The following MDN1 variants were observed in gnomAD, a reference collection of about 807,000 sequenced individuals.
MDN1 encodes the protein midasin AAA ATPase 1, also known as midasin.
MDN1 carries 266 observed loss-of-function variants against 669.2 expected under a neutral mutation model. The observed-to-expected ratio is 0.40, with a 90% CI of 0.36 to 0.44. MDN1 has a LOEUF of 0.44. Among genes scored for constraint, MDN1 ranks in the 20% least tolerant of loss-of-function variants. The pLI is 1.00. For synonymous variants in MDN1, 2,385 were observed against 2,457.1 expected (o/e 0.97, Z 0.87); for missense variants, 5,940 against 6,754.0 (o/e 0.88, Z 4.22).
chr6:89,714,384 A>C (rs1346663226), intron 46 of MDN1, among the ~76,000 whole-genome samples, 159 bp downstream of exon 46: 1 of 152,162 alleles, frequency 6.6e-6, no homozygotes, highest in Admixed American at 6.5e-5. Context: ...TGCTGAACCC[A>C]ATCTCTTGGG....
chr6:89,802,551 T>G (rs895714571), intron 2 of MDN1, among the ~76,000 whole-genome samples: 1 of 151,850 alleles, frequency 6.6e-6, no homozygotes, highest in Non-Finnish European at 1.5e-5. Flanking sequence ...GGCGTGGTGG[T>G]GTGCGCGCCT....
chr6:89,747,982 G>A lies in MDN1; in HGVS notation c.3763-512C>T, dbSNP rs572833237. On this transcript the variant is annotated intron_variant, in intron 26 of 101. Coordinates refer to ENST00000369393, the MANE Select transcript of MDN1 (RefSeq NM_014611.3). ...ATGTTCAAATTCATGTTTAAATTAAGAACATAAAATGGAATTCCACATTTC... is the reference window on the plus strand; with the variant it reads ...ATGTTCAAATTCATGTTTAAATTAAAAACATAAAATGGAATTCCACATTTC... 5.4e-5 allele frequency among the ~76,000 whole-genome samples: 8 copies of A among 148,890 alleles called. No homozygotes were observed. The South Asian group carries it at 1.5e-3, about 28-fold the overall frequency.
At chr6:89,796,281 G>A (rs867025866) in intron 2 of MDN1, among the ~76,000 whole-genome samples, 72 of 116,360 alleles carry the variant, frequency 6.2e-4, no homozygotes, top group Middle Eastern at 7.9e-3. Flanking sequence ...CCAAGATCGC[G>A]CCATTGCACT....
At chr6:89,709,415 G>A (rs1813732804) in intron 50 of MDN1, among the ~76,000 whole-genome samples, 1 of 152,194 alleles carries the variant, frequency 6.6e-6, no homozygotes, top group East Asian at 1.9e-4. Context: ...GACAGTTGGA[G>A]CTAATGTGTT....
intron 11 of MDN1, among the ~76,000 whole-genome samples, chr6:89,778,486 G>T (rs1200723132): frequency 2.0e-5 from 3 of 151,968 alleles, no homozygotes; most frequent in Non-Finnish European, 4.4e-5. Context: ...TAAAAATACA[G>T]GATTTACTAT....
At chr6:89,751,334 G>A in intron 23 of MDN1, 97 bp downstream of exon 23, 2 of 1,435,074 alleles carry the variant, frequency 1.4e-6, no homozygotes, top group Non-Finnish European at 1.9e-6. Flanking sequence ...CAATGAATAA[G>A]AATAAAGCTC....
intron 93 of MDN1, 21 bp downstream of exon 93, chr6:89,654,143 T>C (rs1269284765): frequency 3.7e-6 from 6 of 1,613,722 alleles, no homozygotes; most frequent in Non-Finnish European, 4.2e-6. Flanking sequence ...TGGGAAGGGT[T>C]TGTTCACTAG....
intron 8 of MDN1, among the ~76,000 whole-genome samples, chr6:89,785,849 T>G (rs1310489673): frequency 6.6e-6 from 1 of 152,108 alleles, no homozygotes; most frequent in Admixed American, 6.5e-5. Context: ...TCTCTATAAA[T>G]AAAATCAAGG....
At chr6:89,645,552 A>C (rs527617355) in intron 100 of MDN1, among the ~76,000 whole-genome samples, 18 of 152,358 alleles carry the variant, frequency 1.2e-4, no homozygotes, top group African/African-American at 4.3e-4. Flanking sequence ...GAAAGTGGCC[A>C]AATCAGAAAT....
intron 15 of MDN1, among the ~76,000 whole-genome samples, chr6:89,770,957 C>A (rs932154119): frequency 6.6e-6 from 1 of 152,158 alleles, no homozygotes; most frequent in Non-Finnish European, 1.5e-5. Flanking sequence ...CACCCATGAG[C>A]TCCTCAATAA....
Position 89,658,841 on chromosome 6 carries a change from G to A in MDN1, c.14790C>T (p.Thr4930=), listed in dbSNP as rs768713486. The A allele has an allele frequency of 1.1e-5, 18 of 1,614,008 alleles. No homozygotes were observed. Among genetic ancestry groups the A allele is most frequent in the Non-Finnish European group, 1.2e-5 (14 of 1,180,006 alleles). The change falls in exon 89 of 102, where the codon ACC becomes ACT. Residue 4930 remains threonine, a synonymous_variant. Transcript: ENST00000369393. ...HEAEERGETE[T]DQNESQSPQE... ...GTGGACTCTGACTTTCGTTCTGGTC[G>A]GTCTCGGTCTCTCCTCTTTCCTCAG...
chr6:89,701,664 A>G lies in MDN1; in HGVS notation c.8321T>C (p.Val2774Ala). 6.2e-7 allele frequency: 1 copy of G among 1,613,898 alleles called. No individual in the cohort carries two copies. The highest frequency in any genetic ancestry group is 8.5e-7 in the Non-Finnish European group (1 of 1,179,922). The part of the protein sequence containing the change: ...MNYEDKYYKE[V>A]QTVSEHIQNC... ...CTGAATATGTTCTGAGACAGTCTGA[A>G]CTTCTTTGTAATATCTTTAAAGGAG... The change falls in exon 55 of 102, where the codon GTT becomes GCT. Residue 2774 changes from valine to alanine, a missense_variant. This residue lies in a region of MDN1 where 2,292 missense variants were observed against 2,638.3 expected (regional missense o/e 0.87). Coordinates refer to ENST00000369393, the MANE Select transcript of MDN1 (RefSeq NM_014611.3).
intron 27 of MDN1, among the ~76,000 whole-genome samples, chr6:89,746,193 T>C (rs924530307): frequency 1.3e-5 from 2 of 152,166 alleles, no homozygotes; most frequent in Non-Finnish European, 2.9e-5. Flanking sequence ...AGTGATTACC[T>C]CCACTGTCAA....
chr6:89,773,618 T>G (rs1460723135), intron 13 of MDN1, among the ~76,000 whole-genome samples: 1 of 150,688 alleles, frequency 6.6e-6, no homozygotes, highest in Admixed American at 6.6e-5. Flanking sequence ...AGACAGAACT[T>G]AGAGTGATAC....
intron 97 of MDN1, among the ~76,000 whole-genome samples, chr6:89,649,717 T>C (rs992765833): frequency 2.4e-4 from 37 of 152,216 alleles, no homozygotes; most frequent in African/African-American, 8.4e-4. Context: ...GATTTACTTA[T>C]TCTGCAACTA....
Position 89,683,299 on chromosome 6 carries a change from C to T in MDN1, c.11935G>A (p.Ala3979Thr). 1 of 1,614,128 alleles carries T rather than the reference C, an allele frequency of 6.2e-7. No homozygotes were observed. Among genetic ancestry groups the T allele is most frequent in the East Asian group, 2.2e-5 (1 of 44,892 alleles). Residue 3979 changes from alanine to threonine, a missense_variant, in exon 73 of 102, where the codon GCA (alanine) becomes ACA (threonine). Ala to Thr is a moderately conservative substitution (Grantham distance 58). Coordinates refer to ENST00000369393, the MANE Select transcript of MDN1 (RefSeq NM_014611.3). ...TLFKFMKKFE[A>T]VLSEPCRSSL... is the part of the protein sequence containing the mutation. Reference sequence around the variant, plus strand: ...GACCGGCAGGGTTCACTCAGGACTGCTTCAAATTTCTTCATGAATTTAAAG... The same window carrying T: ...GACCGGCAGGGTTCACTCAGGACTGTTTCAAATTTCTTCATGAATTTAAAG...
At chr6:89,701,806 A>T in intron 54 of MDN1, 98 bp downstream of exon 54, 1 of 1,525,390 alleles carries the variant, frequency 6.6e-7, no homozygotes, top group Admixed American at 2.1e-5. Flanking sequence ...CAAGGGAATA[A>T]ACCAAAATAA....
At chr6:89,668,174 T>C in intron 83 of MDN1, 23 bp from the exon 84 acceptor site, 1 of 1,612,962 alleles carries the variant, frequency 6.2e-7, no homozygotes, top group Non-Finnish European at 8.5e-7. Flanking sequence ...AAAAAGGAAG[T>C]GAACAATTAG....
At chr6:89,656,315 G>C (rs896601497) in intron 91 of MDN1, among the ~76,000 whole-genome samples, 5 of 152,032 alleles carry the variant, frequency 3.3e-5, no homozygotes, top group African/African-American at 1.2e-4. Context: ...TAGGGGATTG[G>C]TTTTTTACAC....
Sources: allele counts gnomAD v4.1 joint callset (sites outside exome capture counted in the v4.1 genomes callset), GRCh38; gene constraint gnomAD v4.1.1; regional missense constraint gnomAD v4.1.1; transcripts MANE v1.5; gene names NCBI Gene and HGNC (gene_info 2026-07-23, HGNC 2026-07-21).